PDE11A: variants seen among roughly 807,000 people sequenced by gnomAD.
PDE11A encodes phosphodiesterase 11A, also known as dual 3',5'-cyclic-AMP and -GMP phosphodiesterase 11A.
Under a neutral mutation model 100.5 loss-of-function variants are expected in PDE11A, and 100 were observed. The observed-to-expected ratio is 1.00, with a 90% CI of 0.85 to 1.18. The LOEUF is 1.18. PDE11A is among the 50% of genes most tolerant of loss of function. The probability of loss-of-function intolerance (pLI) is 0.00; values close to 1 mark genes in which losing one functional copy is unlikely to be tolerated. For synonymous variants in PDE11A, 381 were observed against 420.8 expected, an observed-to-expected ratio of 0.91 and a Z score of 1.16; for missense variants, 1,141 against 1,152.6, an observed-to-expected ratio of 0.99 and a Z score of 0.15.
chr2:177,812,126 T>G (rs183523029), intron 9 of PDE11A, among the ~76,000 whole-genome samples: 2 of 152,344 alleles, frequency 1.3e-5, no homozygotes, highest in Non-Finnish European at 2.9e-5. Context: ...ACACTTTCCC[T>G]GTAATTTTTT....
chr2:177,832,481 C>A (rs1264396155), intron 6 of PDE11A, among the ~76,000 whole-genome samples: 1 of 152,132 alleles, frequency 6.6e-6, no homozygotes, highest in Non-Finnish European at 1.5e-5. Context: ...GGACTGGCTT[C>A]CTTGCTCCTC....
Position 178,013,200 on chromosome 2 carries a change from C to A in PDE11A, c.1071+1102G>T, listed in dbSNP as rs115573736. Among the ~76,000 whole-genome samples, 809 of 152,258 alleles carry A rather than the reference C, an allele frequency of 5.3e-3. 3 individuals are homozygous for A. Among genetic ancestry groups the A allele is most frequent in the African/African-American group, 0.019 (776 of 41,556 alleles). ...AGAACAACTTGCTGATGATTCTTGT[C>A]TCCTGCCTTGTGTAGCTCCTGGATG... On this transcript the variant is annotated intron_variant, in intron 2 of 19. Coordinates refer to ENST00000286063, the MANE Select transcript of PDE11A (RefSeq NM_016953.4).
At chr2:177,861,453 T>C (rs1574226811) in intron 5 of PDE11A, among the ~76,000 whole-genome samples, 2 of 151,958 alleles carry the variant, frequency 1.3e-5, no homozygotes, top group East Asian at 3.9e-4. Flanking sequence ...AGACAACTTA[T>C]ATACAGGAGT....
intron 2 of PDE11A, among the ~76,000 whole-genome samples, chr2:177,985,514 A>T (rs911318664): frequency 1.7e-4 from 26 of 152,216 alleles, no homozygotes; most frequent in Admixed American, 9.2e-4. Flanking sequence ...AAAAATCAGT[A>T]AGGGATAATA....
chr2:177,839,431 C>T (rs1248752318), intron 6 of PDE11A, among the ~76,000 whole-genome samples: 1 of 152,220 alleles, frequency 6.6e-6, no homozygotes, highest in Non-Finnish European at 1.5e-5. Flanking sequence ...GCTTCTCCCC[C>T]ATTTAAAACT....
At chr2:177,791,527 T>TA (rs1187239405) in intron 9 of PDE11A, among the ~76,000 whole-genome samples, 2 of 92,616 alleles carry the variant, frequency 2.2e-5, no homozygotes, top group Non-Finnish European at 4.5e-5. Context: ...CCCTAAAACT[T>TA]AAAGTATAAA....
At chr2:177,972,575 G>C (rs563953536) in intron 2 of PDE11A, among the ~76,000 whole-genome samples, 2 of 152,264 alleles carry the variant, frequency 1.3e-5, no homozygotes, top group East Asian at 3.9e-4. Context: ...TTGCAAAAAG[G>C]ATGTTTTATG....
intron 2 of PDE11A, among the ~76,000 whole-genome samples, chr2:177,995,775 T>G (rs936326838): frequency 2.0e-5 from 3 of 152,176 alleles, no homozygotes; most frequent in African/African-American, 7.2e-5. Context: ...TTCCCTTCCT[T>G]ATTGGTACCA....
intron 9 of PDE11A, among the ~76,000 whole-genome samples, chr2:177,773,132 C>T (rs1349086295): frequency 3.9e-5 from 6 of 152,072 alleles, no homozygotes; most frequent in Admixed American, 3.9e-4. Context: ...GTGATCCTCC[C>T]ACCTCAGCCT....
intron 16 of PDE11A, chr2:177,677,888 C>G (rs1476506722): frequency 6.6e-6 from 1 of 152,134 alleles, no homozygotes; most frequent in African/African-American, 2.4e-5. Flanking sequence ...TACCTCTCCT[C>G]TATATGCCAA....
chr2:177,855,288 A>G (rs2083812430), intron 5 of PDE11A, among the ~76,000 whole-genome samples: 1 of 152,078 alleles, frequency 6.6e-6, no homozygotes, highest in Admixed American at 6.6e-5. Context: ...AAAAGTAAAG[A>G]GAAGAGGAAA....
intron 9 of PDE11A, among the ~76,000 whole-genome samples, chr2:177,791,570 G>T (rs1384376706): frequency 6.6e-6 from 1 of 151,122 alleles, no homozygotes; most frequent in Admixed American, 6.6e-5. Flanking sequence ...TAAAGTCAGA[G>T]CAAATGAGTC....
At chr2:178,036,775 G>T (rs1469725904) in intron 1 of PDE11A, among the ~76,000 whole-genome samples, 1 of 152,156 alleles carries the variant, frequency 6.6e-6, no homozygotes, top group African/African-American at 2.4e-5. Flanking sequence ...GTGGAGAAAG[G>T]ATTCCATATT....
intron 9 of PDE11A, among the ~76,000 whole-genome samples, chr2:177,815,407 T>C (rs2083021516): frequency 6.6e-6 from 1 of 152,216 alleles, no homozygotes; most frequent in Non-Finnish European, 1.5e-5. Context: ...TCTTATCAGT[T>C]GGTTGAATAC....
chr2:177,761,408 C>T (rs749843625), intron 10 of PDE11A, among the ~76,000 whole-genome samples: 4 of 152,132 alleles, frequency 2.6e-5, no homozygotes, highest in African/African-American at 4.8e-5. Flanking sequence ...ATAAAAATGG[C>T]GAACATTTCA....
intron 2 of PDE11A, among the ~76,000 whole-genome samples, chr2:178,008,850 C>T (rs903207343): frequency 1.3e-5 from 2 of 152,094 alleles, no homozygotes; most frequent in Non-Finnish European, 2.9e-5. Context: ...CGGAACATGT[C>T]GGCATGAAGG....
At chr2:177,836,857 C>A (rs1387286101) in intron 6 of PDE11A, among the ~76,000 whole-genome samples, 2 of 152,074 alleles carry the variant, frequency 1.3e-5, no homozygotes. Flanking sequence ...CTGAAGCCAG[C>A]GAGACCATGA....
chr2:177,997,789 C>A, intron 2 of PDE11A: 1 of 1,304,472 alleles, frequency 7.7e-7, no homozygotes, highest in Non-Finnish European at 1.1e-6. Flanking sequence ...AGCATTCCCT[C>A]CATTTTCTGC....
intron 2 of PDE11A, among the ~76,000 whole-genome samples, chr2:177,957,596 G>A (rs1035308294): frequency 2.6e-5 from 4 of 152,170 alleles, no homozygotes; most frequent in Non-Finnish European, 5.9e-5. Context: ...AGAGCCCATT[G>A]AGCTATGTGA....
Sources: allele counts gnomAD v4.1 joint callset (sites outside exome capture counted in the v4.1 genomes callset), GRCh38; gene constraint gnomAD v4.1.1; transcripts MANE v1.5; gene names NCBI Gene and HGNC (gene_info 2026-07-23, HGNC 2026-07-21).